SPICE1: variants seen among roughly 807,000 people sequenced by gnomAD.
The protein encoded by SPICE1 is spindle and centriole-associated protein 1.
SPICE1 carries 75 observed loss-of-function variants against 102.7 expected under a neutral mutation model. That is an observed-to-expected ratio of 0.73 (90% CI 0.61 to 0.88). The LOEUF is 0.88. Ranked by LOEUF, SPICE1 falls within the 40% of genes least tolerant of loss-of-function variation. The pLI is 0.00. For synonymous variants in SPICE1, 308 were observed against 350.3 expected, an observed-to-expected ratio of 0.88 and a Z score of 1.35; for missense variants, 979 against 1,020.1, an observed-to-expected ratio of 0.96 and a Z score of 0.55.
chr3:113,465,255 G>A (rs1936025910), intron 11 of SPICE1, among the ~76,000 whole-genome samples: 1 of 152,200 alleles, frequency 6.6e-6, no homozygotes, highest in Non-Finnish European at 1.5e-5. Flanking sequence ...TGAAGATACT[G>A]TGAACAACTG....
chr3:113,473,216 C>T (rs142324492), intron 7 of SPICE1, among the ~76,000 whole-genome samples: 235 of 151,976 alleles, frequency 1.5e-3, no homozygotes, highest in African/African-American at 5.1e-3. Flanking sequence ...TGAAATGAAG[C>T]GAGAAGGGAA....
chr3:113,497,591 A>T (rs1015339041), intron 4 of SPICE1, among the ~76,000 whole-genome samples: 7 of 152,088 alleles, frequency 4.6e-5, no homozygotes, highest in African/African-American at 9.7e-5. Context: ...CTGTCTAAAA[A>T]ACACCTACAT....
intron 7 of SPICE1, among the ~76,000 whole-genome samples, chr3:113,472,214 G>C (rs1037284852): frequency 6.6e-6 from 1 of 152,240 alleles, no homozygotes; most frequent in African/African-American, 2.4e-5. Flanking sequence ...ACTGCAAGGC[G>C]GCAGTGAGGC....
intron 7 of SPICE1, among the ~76,000 whole-genome samples, chr3:113,480,061 A>T (rs1022755987): frequency 9.9e-5 from 15 of 152,154 alleles, no homozygotes; most frequent in African/African-American, 3.4e-4. Context: ...CTGAAACAAA[A>T]TTTTTTAAGA....
Position 113,469,252 on chromosome 3 carries a change from G to A in SPICE1, c.612-14C>T, listed in dbSNP as rs755561362. On this transcript the variant is annotated splice_polypyrimidine_tract_variant and intron_variant, in intron 7 of 17. Coordinates refer to ENST00000295872, the MANE Select transcript of SPICE1 (RefSeq NM_144718.4). ...TGTTGGAGAAACCTATAAATTACAG[G>A]ACAATAAGCTACATGAGAATTATAA... is the stretch of plus-strand genomic sequence containing the variant. 7.0e-7 allele frequency: 1 copy of A among 1,421,344 alleles called. No homozygotes were observed. The allele number at this position is 1,421,344 out of a possible 1,614,324, so 88.0% of individuals were successfully genotyped here. A position where few individuals can be genotyped will look rare whatever the true frequency, so the allele number is the denominator to read the frequency against.
At chr3:113,513,451 C>T (rs1397666652) in intron 1 of SPICE1, among the ~76,000 whole-genome samples, 2 of 151,840 alleles carry the variant, frequency 1.3e-5, no homozygotes, top group Admixed American at 6.6e-5. Flanking sequence ...ACACCAAATG[C>T]TCATTTCTAA....
chr3:113,494,705 CAAAAT>C lies in SPICE1; in HGVS notation c.292-568_292-564del, dbSNP rs1000518373. ...CCCACCACATTTACATACACATATA[CAAAAT>C]AAAAGTTTTAATTAAATAAAAAGTT... On this transcript the variant is annotated intron_variant, in intron 4 of 17. Coordinates refer to ENST00000295872, the MANE Select transcript of SPICE1 (RefSeq NM_144718.4). Among the ~76,000 whole-genome samples, 22 of 150,484 alleles carry C rather than the reference CAAAAT, an allele frequency of 1.5e-4. No individual in the cohort carries two copies. In the East Asian group the frequency reaches 4.3e-3, roughly 29 times the overall value.
intron 12 of SPICE1, among the ~76,000 whole-genome samples, chr3:113,459,142 C>A (rs182904841): frequency 3.4e-4 from 51 of 152,212 alleles, no homozygotes; most frequent in African/African-American, 1.2e-3. Context: ...CTCTGAAATA[C>A]GTGCTGTGTC....
At chr3:113,493,457 C>T (rs987354684) in intron 5 of SPICE1, 145 bp from the exon 6 acceptor site, 33 of 656,346 alleles carry the variant, frequency 5.0e-5, no homozygotes, top group Non-Finnish European at 3.8e-5. Flanking sequence ...ATGCCAGGCA[C>T]TGTTCTAAAC....
chr3:113,476,221 T>A (rs1297176304), intron 7 of SPICE1, among the ~76,000 whole-genome samples: 1 of 150,212 alleles, frequency 6.7e-6, no homozygotes, highest in African/African-American at 2.5e-5. Flanking sequence ...GGAATCCAAC[T>A]TACAAGGGAT....
chr3:113,450,132 T>G, intron 15 of SPICE1: 1 of 586,588 alleles, frequency 1.7e-6, no homozygotes, highest in Non-Finnish European at 3.0e-6. Context: ...ATAGGCATCA[T>G]AGGATAGAAA....
rs140101979 is a variant in SPICE1, at chr3:113,474,648, T to A, written c.612-5410A>T. Reference sequence around the variant, plus strand: ...GATTAAGAAACTCACTCAAAACCGCTCAACTACGTGGAAACTGAACAACCT... The same window carrying A: ...GATTAAGAAACTCACTCAAAACCGCACAACTACGTGGAAACTGAACAACCT... On this transcript the variant is annotated intron_variant, in intron 7 of 17. Coordinates refer to ENST00000295872, the MANE Select transcript of SPICE1 (RefSeq NM_144718.4). 5.8e-3 allele frequency among the ~76,000 whole-genome samples: 875 copies of A among 152,110 alleles called. 7 individuals are homozygous for A. The highest frequency in any genetic ancestry group is 0.021 in the South Asian group (102 of 4,808).
Position 113,468,424 on chromosome 3 carries a change from T to C in SPICE1, c.890-20A>G. 6.2e-7 allele frequency: 1 copy of C among 1,606,074 alleles called. No homozygotes were observed. The highest frequency in any genetic ancestry group is 8.5e-7 in the Non-Finnish European group (1 of 1,174,456). Reference sequence around the variant, plus strand: ...TTTTCACTGATAATGAGAGAAGTCATTCTATTTTAAGACCAGGAAAAATTA... The same window carrying C: ...TTTTCACTGATAATGAGAGAAGTCACTCTATTTTAAGACCAGGAAAAATTA... On this transcript the variant is annotated intron_variant, in intron 9 of 17. Transcript: ENST00000295872.
intron 2 of SPICE1, among the ~76,000 whole-genome samples, chr3:113,503,614 G>A (rs66784102): frequency 0.037 from 5,608 of 152,120 alleles, 188 homozygotes; most frequent in African/African-American, 0.091. Flanking sequence ...ATTCCACAAC[G>A]TAACGCTAAA....
chr3:113,448,731 G>A (rs1015965112), intron 15 of SPICE1: 5 of 152,134 alleles, frequency 3.3e-5, no homozygotes, highest in Non-Finnish European at 5.9e-5. Context: ...CAGTTTCACA[G>A]AGGCTCCTGA....
At chr3:113,450,793 G>A (rs1278909521) in intron 14 of SPICE1, among the ~76,000 whole-genome samples, 2 of 151,924 alleles carry the variant, frequency 1.3e-5, no homozygotes, top group Non-Finnish European at 2.9e-5. Context: ...AGCCAGGATG[G>A]TCTCCATCTC....
At chr3:113,500,314 C>T (rs1936984677) in intron 3 of SPICE1, among the ~76,000 whole-genome samples, 1 of 152,034 alleles carries the variant, frequency 6.6e-6, no homozygotes, top group African/African-American at 2.4e-5. Context: ...AAATGTACTA[C>T]TGAGTTTTCA....
intron 7 of SPICE1, among the ~76,000 whole-genome samples, chr3:113,477,047 C>T (rs1936367930): frequency 6.6e-6 from 1 of 151,738 alleles, no homozygotes; most frequent in African/African-American, 2.4e-5. Context: ...TGACAAAGGG[C>T]TAATATCCAG....
At chr3:113,510,019 C>T (rs954639146) in intron 1 of SPICE1, among the ~76,000 whole-genome samples, 1 of 152,216 alleles carries the variant, frequency 6.6e-6, no homozygotes, top group Non-Finnish European at 1.5e-5. Flanking sequence ...TTATAAATTA[C>T]CCAGTCTCGA....
Sources: gnomAD v4.1 joint callset for allele counts (sites outside exome capture counted in the v4.1 genomes callset) on GRCh38, gnomAD v4.1.1 for gene constraint, MANE v1.5 for transcripts, NCBI Gene and HGNC (gene_info 2026-07-23, HGNC 2026-07-21) for gene names.